C1QL3: variants seen among roughly 807,000 people sequenced by gnomAD.
C1QL3 encodes the protein complement C1q-like protein 3.
Under a neutral mutation model 16.6 loss-of-function variants are expected in C1QL3, and 4 were observed. The observed-to-expected ratio is 0.24, with a 90% CI of 0.12 to 0.55. The LOEUF is 0.55. C1QL3 is among the 20% of genes least tolerant of loss of function. The pLI is 0.94. For synonymous variants in C1QL3, 189 were observed against 160.2 expected, an observed-to-expected ratio of 1.18 and a Z score of -1.36; for missense variants, 269 against 365.6, an observed-to-expected ratio of 0.74 and a Z score of 2.16.
Position 16,520,446 on chromosome 10 carries a change from C to CCCCCCCCA in C1QL3, c.588+31_588+32insTGGGGGGG. ...TCGCCCGCACCTTCCCGCGCTCCCT[C>CCCCCCCCA]CCCGCCCTCCCCGCCGCCCGCCCGC... is the stretch of plus-strand genomic sequence containing the variant. On this transcript the variant is annotated intron_variant, in intron 1 of 1. Coordinates refer to ENST00000298943, the MANE Select transcript of C1QL3 (RefSeq NM_001010908.2). The surrounding 1 kb of genome is among the most constrained non-coding windows in gnomAD (Gnocchi z 8.3). 7 of 861,976 alleles carry CCCCCCCCA rather than the reference C, an allele frequency of 8.1e-6. No homozygotes were observed. Among genetic ancestry groups the CCCCCCCCA allele is most frequent in the Non-Finnish European group, 1.3e-5 (7 of 549,350 alleles). 53.4% of individuals were successfully genotyped at this position (861,976 alleles called of 1,614,324 possible).
In C1QL3 at chr10:16,520,590, G is replaced by A. The variant is rs1302199147; in HGVS notation, c.476C>T (p.Thr159Ile). 5 of 1,613,718 alleles carry A rather than the reference G, an allele frequency of 3.1e-6. No homozygotes were observed. The highest frequency in any genetic ancestry group is 4.2e-6 in the Non-Finnish European group (5 of 1,179,840). Residue 159 changes from threonine (T) to isoleucine (I), a missense_variant, in exon 1 of 2, where the codon ACC becomes ATC. Physicochemically the swap from Thr to Ile is moderately conservative, Grantham distance 89 (BLOSUM62 -1). This residue lies in a region of C1QL3 where 246 missense variants were observed against 297.2 expected (regional missense o/e 0.83). Coordinates refer to ENST00000298943, the MANE Select transcript of C1QL3 (RefSeq NM_001010908.2). The surrounding 1 kb of genome is among the most constrained non-coding windows in gnomAD (Gnocchi z 8.3). ...GATGGAGCAGGTGAACTTGCCGGTG[G>A]TGGGGTCGTAGTGGTTTCCGAGGTT... is the stretch of plus-strand genomic sequence containing the variant. ...VTNLGNHYDP[T>I]TGKFTCSIPG...
In C1QL3 at chr10:16,521,323, T is replaced by G; in HGVS notation, c.-258A>C. 2.2e-5 allele frequency: 8 copies of G among 362,960 alleles called. No homozygotes were observed. Among genetic ancestry groups the G allele is most frequent in the Non-Finnish European group, 3.4e-5 (7 of 203,298 alleles). 22.5% of individuals were successfully genotyped at this position (362,960 alleles called of 1,614,324 possible). A position where few individuals can be genotyped will look rare whatever the true frequency, so the allele number is the denominator to read the frequency against. ...GGGCGCCCAGTGACTTGAGCCGAAG[T>G]CCCGAGCCCGGGGTGGGGGCCGGGG... On this transcript the variant is annotated 5_prime_UTR_variant, in exon 1 of 2. Coordinates refer to ENST00000298943, the MANE Select transcript of C1QL3 (RefSeq NM_001010908.2).
Position 16,520,439 on chromosome 10 carries a change from G to T in C1QL3, c.588+39C>A. Reference sequence around the variant, plus strand: ...CTCCCTCTCGCCCGCACCTTCCCGCGCTCCCTCCCCGCCCTCCCCGCCGCC... The same window carrying T: ...CTCCCTCTCGCCCGCACCTTCCCGCTCTCCCTCCCCGCCCTCCCCGCCGCC... On this transcript the variant is annotated intron_variant, in intron 1 of 1. Transcript: ENST00000298943. The surrounding 1 kb of genome is among the most constrained non-coding windows in gnomAD (Gnocchi z 8.3). 1.5e-6 allele frequency: 2 copies of T among 1,322,976 alleles called. No homozygotes were observed. The highest frequency in any genetic ancestry group is 1.0e-6 in the Non-Finnish European group (1 of 968,888). The allele number at this position is 1,322,976 out of a possible 1,614,324, so 82.0% of individuals were successfully genotyped here.
At chr10:16,517,475 T>C (rs1055115277) in intron 1 of C1QL3, among the ~76,000 whole-genome samples, 1 of 152,222 alleles carries the variant, frequency 6.6e-6, no homozygotes, top group African/African-American at 2.4e-5. Context: ...GCTTATTTAT[T>C]ATAGTGGCAT....
rs1439430062 is a variant in C1QL3, at chr10:16,513,959, A to C, written c.*569T>G. On this transcript the variant is annotated 3_prime_UTR_variant, in exon 2 of 2. Coordinates refer to ENST00000298943, the MANE Select transcript of C1QL3 (RefSeq NM_001010908.2). ...GCTTGGGAATTCCCTCAAATCCAGA[A>C]AATTCCAGGTTAAGGCTTGAAGTTG... is the stretch of plus-strand genomic sequence containing the variant. 1 of 205,950 alleles carries C rather than the reference A, an allele frequency of 4.9e-6. No individual in the cohort carries two copies. Among genetic ancestry groups the C allele is most frequent in the Non-Finnish European group, 9.6e-6 (1 of 103,820 alleles). The allele number at this position is 205,950 out of a possible 1,614,324, so 12.8% of individuals were successfully genotyped here.
In C1QL3 at chr10:16,514,567, T is replaced by C; in HGVS notation, c.729A>G (p.Lys243=). The C allele has an allele frequency of 6.2e-7, 1 of 1,613,850 alleles. No homozygotes were observed. Among genetic ancestry groups the C allele is most frequent in the East Asian group, 2.2e-5 (1 of 44,886 alleles). The change falls in exon 2 of 2, where the codon AAA becomes AAG. Residue 243 remains lysine (K), a synonymous_variant. Transcript: ENST00000298943. ...TAATAAATCCAGAAAACGTGCTGTA[T>C]TTGTTGTTGTTTCCTCCATGGGCTT... ...GGKAHGGNNN[K]YSTFSGFIIY...
chr10:16,515,110 A>G (rs1222987939), intron 1 of C1QL3, among the ~76,000 whole-genome samples: 1 of 152,104 alleles, frequency 6.6e-6, no homozygotes, highest in Non-Finnish European at 1.5e-5. Flanking sequence ...TCAGCTGTTT[A>G]TGAGTACAGA....
intron 1 of C1QL3, among the ~76,000 whole-genome samples, chr10:16,516,951 C>G (rs1189463063): frequency 6.6e-6 from 1 of 152,264 alleles, no homozygotes; most frequent in East Asian, 1.9e-4. Context: ...CTCCAGTGTA[C>G]CTGGCATGAT....
chr10:16,518,848 G>GACT (rs1344804686), intron 1 of C1QL3, among the ~76,000 whole-genome samples: 1 of 152,076 alleles, frequency 6.6e-6, no homozygotes, highest in Non-Finnish European at 1.5e-5. Context: ...CCTGCTGAGG[G>GACT]ACTGTTCATA....
Position 16,521,358 on chromosome 10 carries a change from G to T in C1QL3, c.-293C>A. On this transcript the variant is annotated 5_prime_UTR_variant, in exon 1 of 2. Transcript: ENST00000298943. Reference sequence around the variant, plus strand: ...GGGGTGGGGGCCGGGGGAGGGGTGCGCGGGGCGCCCTCGCCCCCCGCGAGC... The same window carrying T: ...GGGGTGGGGGCCGGGGGAGGGGTGCTCGGGGCGCCCTCGCCCCCCGCGAGC... The T allele has an allele frequency of 3.3e-6, 1 of 301,680 alleles. No individual in the cohort carries two copies. Among genetic ancestry groups the T allele is most frequent in the Non-Finnish European group, 6.1e-6 (1 of 164,628 alleles). The allele number at this position is 301,680 out of a possible 1,614,324, so 18.7% of individuals were successfully genotyped here. A position where few individuals can be genotyped will look rare whatever the true frequency, so the allele number is the denominator to read the frequency against.
rs995095268 is a variant in C1QL3, at chr10:16,520,267, C to T, written c.588+211G>A. On this transcript the variant is annotated intron_variant, in intron 1 of 1. Transcript: ENST00000298943. This position sits in a 1 kb window ranked among gnomAD's most constrained non-coding sequence, Gnocchi z 8.3. Reference sequence around the variant, plus strand: ...CGATCGAGGGTCCCAGACTCCGGAACTGCCCTCTCCAGGCCGCGGGGCGCC... The same window carrying T: ...CGATCGAGGGTCCCAGACTCCGGAATTGCCCTCTCCAGGCCGCGGGGCGCC... 2.0e-4 allele frequency among the ~76,000 whole-genome samples: 31 copies of T among 152,072 alleles called. No homozygotes were observed. Among genetic ancestry groups the T allele is most frequent in the Non-Finnish European group, 7.4e-5 (5 of 67,990 alleles).
Position 16,521,230 on chromosome 10 carries a change from G to C in C1QL3, c.-165C>G. 1.6e-6 allele frequency: 1 copy of C among 610,614 alleles called. No individual in the cohort carries two copies. Among genetic ancestry groups the C allele is most frequent in the South Asian group, 2.1e-5 (1 of 47,902 alleles). 37.8% of individuals were successfully genotyped at this position (610,614 alleles called of 1,614,324 possible). A position where few individuals can be genotyped will look rare whatever the true frequency, so the allele number is the denominator to read the frequency against. Reference sequence around the variant, plus strand: ...CCTGCGAACCCCAACTCCCCTGGGCGTGCGTGCGCCGGCCGCTGCTGCCGA... The same window carrying C: ...CCTGCGAACCCCAACTCCCCTGGGCCTGCGTGCGCCGGCCGCTGCTGCCGA... On this transcript the variant is annotated 5_prime_UTR_variant, in exon 1 of 2. Coordinates refer to ENST00000298943, the MANE Select transcript of C1QL3 (RefSeq NM_001010908.2).
Position 16,520,433 on chromosome 10 carries a change from T to TGCCCCCCCCC in C1QL3, c.588+44_588+45insGGGGGGGGGC. ...GGTCTCCTCCCTCTCGCCCGCACCT[T>TGCCCCCCCCC]CCCGCGCTCCCTCCCCGCCCTCCCC... is the stretch of plus-strand genomic sequence containing the variant. On this transcript the variant is annotated intron_variant, in intron 1 of 1. Coordinates refer to ENST00000298943, the MANE Select transcript of C1QL3 (RefSeq NM_001010908.2). This position sits in a 1 kb window ranked among gnomAD's most constrained non-coding sequence, Gnocchi z 8.3. 1 of 1,367,176 alleles carries TGCCCCCCCCC rather than the reference T, an allele frequency of 7.3e-7. No homozygotes were observed. Among genetic ancestry groups the TGCCCCCCCCC allele is most frequent in the Non-Finnish European group, 1.0e-6 (1 of 1,004,538 alleles). 84.7% of individuals were successfully genotyped at this position (1,367,176 alleles called of 1,614,324 possible).
Position 16,521,037 on chromosome 10 carries a change from G to A in C1QL3, c.29C>T (p.Pro10Leu). 6.2e-7 allele frequency: 1 copy of A among 1,600,832 alleles called. No homozygotes were observed. The highest frequency in any genetic ancestry group is 8.5e-7 in the Non-Finnish European group (1 of 1,178,630). The change falls in exon 1 of 2, where the codon CCG becomes CTG. Residue 10 changes from proline (P) to leucine (L), a missense_variant. By Grantham distance (98) the Pro-to-Leu change is moderately conservative (BLOSUM62 -3). Transcript: ENST00000298943. MVLLLVILI[P>L]VLVSSAGTSA... ...CGTGCCGGCCGAGCTCACCAGCACC[G>A]GGATGAGGATCACCAGCAGCAGCAC...
At chr10:16,516,431 T>C (rs2298125) in intron 1 of C1QL3, among the ~76,000 whole-genome samples, 34,335 of 152,080 alleles carry the variant, frequency 0.23, 4,175 homozygotes, top group South Asian at 0.29. Flanking sequence ...TGACTTGTGT[T>C]TTTTTCTCAT....
chr10:16,518,041 A>G (rs1836980895), intron 1 of C1QL3, among the ~76,000 whole-genome samples: 1 of 152,240 alleles, frequency 6.6e-6, no homozygotes, highest in Non-Finnish European at 1.5e-5. Flanking sequence ...CACTTAATCC[A>G]TAGAACATTA....
chr10:16,517,762 T>C (rs891271479), intron 1 of C1QL3, among the ~76,000 whole-genome samples: 1 of 152,206 alleles, frequency 6.6e-6, no homozygotes, highest in Non-Finnish European at 1.5e-5. Flanking sequence ...GATCTATCAT[T>C]AGAGATCATA....
Position 16,521,808 on chromosome 10 carries a change from G to A in C1QL3, c.-743C>T, listed in dbSNP as rs1313142713. On this transcript the variant is annotated 5_prime_UTR_variant, in exon 1 of 2. Transcript: ENST00000298943. ...GAGCGAGCAGCGGCGAGCGCCTCAC[G>A]GCCGGGAGCGGAGCGAGAGAGAGAC... 6.5e-6 allele frequency: 1 copy of A among 152,710 alleles called. No homozygotes were observed. The highest frequency in any genetic ancestry group is 2.4e-5 in the African/African-American group (1 of 41,416). 9.5% of individuals were successfully genotyped at this position (152,710 alleles called of 1,614,324 possible).
Position 16,513,759 on chromosome 10 carries a change from A to G in C1QL3, c.*769T>C, listed in dbSNP as rs1836901586. ...TTTCCCAGTGAATCTAAATGTATTC[A>G]GTTGACAAAATGGACACATAAGGGC... On this transcript the variant is annotated 3_prime_UTR_variant, in exon 2 of 2. Transcript: ENST00000298943. 1 of 152,626 alleles carries G rather than the reference A, an allele frequency of 6.6e-6. No individual in the cohort carries two copies. The highest frequency in any genetic ancestry group is 1.5e-5 in the Non-Finnish European group (1 of 68,022). 9.5% of individuals were successfully genotyped at this position (152,626 alleles called of 1,614,324 possible).
Sources: gnomAD v4.1 joint callset for allele counts (sites outside exome capture counted in the v4.1 genomes callset) on GRCh38, gnomAD v4.1.1 for gene constraint, gnomAD v4.1.1 regional missense constraint, Gnocchi (gnomAD v3.1) non-coding constraint, MANE v1.5 for transcripts, NCBI Gene and HGNC (gene_info 2026-07-23, HGNC 2026-07-21) for gene names.